MSH3: variants seen among roughly 807,000 people sequenced by gnomAD.
MSH3 encodes the protein mutS homolog 3.
In MSH3, 106 loss-of-function variants were observed where a neutral mutation model predicts 123.3. The observed-to-expected ratio is 0.86, with a 90% CI of 0.73 to 1.01. The LOEUF (loss-of-function observed/expected upper bound fraction) is 1.01. MSH3 is among the 50% of genes least tolerant of loss of function. MSH3 has a pLI of 0.00. For synonymous variants in MSH3, 515 were observed against 481.4 expected, an observed-to-expected ratio of 1.07 and a Z score of -0.91; for missense variants, 1,459 against 1,347.6, an observed-to-expected ratio of 1.08 and a Z score of -1.29.
chr5:80,670,001 A>C, intron 3 of MSH3, 96 bp from the exon 4 acceptor site: 1 of 1,099,498 alleles, frequency 9.1e-7, no homozygotes, highest in East Asian at 2.6e-5. Context: ...TAGATTCACT[A>C]AGTGTTAGCT....
At chr5:80,802,673 G>T (rs985515664) in intron 19 of MSH3, among the ~76,000 whole-genome samples, 1 of 151,824 alleles carries the variant, frequency 6.6e-6, no homozygotes, top group Non-Finnish European at 1.5e-5. Context: ...CTTATTCATT[G>T]TATGTAACTA....
intron 20 of MSH3, among the ~76,000 whole-genome samples, chr5:80,849,974 C>A (rs553151286): frequency 2.0e-5 from 3 of 152,276 alleles, no homozygotes; most frequent in Non-Finnish European, 4.4e-5. Flanking sequence ...GTGCCTTTAA[C>A]AGCACCCAAG....
At chr5:80,794,960 A>G (rs1382422221) in intron 19 of MSH3, among the ~76,000 whole-genome samples, 1 of 152,184 alleles carries the variant, frequency 6.6e-6, no homozygotes. Flanking sequence ...GGGAATAACA[A>G]ACAGCCAGCC....
At chr5:80,701,249 A>C (rs1001184683) in intron 8 of MSH3, among the ~76,000 whole-genome samples, 3 of 152,186 alleles carry the variant, frequency 2.0e-5, no homozygotes, top group Non-Finnish European at 4.4e-5. Flanking sequence ...CAGGAGATGA[A>C]GGGAAAGATT....
intron 20 of MSH3, among the ~76,000 whole-genome samples, chr5:80,834,258 G>A (rs1745470557): frequency 6.6e-6 from 1 of 152,022 alleles, no homozygotes; most frequent in African/African-American, 2.4e-5. Context: ...AGAATAACAG[G>A]CCTAATAGTC....
intron 20 of MSH3, among the ~76,000 whole-genome samples, chr5:80,832,531 A>C (rs1399343106): frequency 6.6e-6 from 1 of 152,084 alleles, no homozygotes; most frequent in Non-Finnish European, 1.5e-5. Context: ...TGGCAGGAGA[A>C]TCTCTTGAAC....
intron 15 of MSH3, among the ~76,000 whole-genome samples, chr5:80,773,704 A>G (rs576832756): frequency 3.3e-5 from 5 of 152,194 alleles, no homozygotes; most frequent in Admixed American, 1.3e-4. Flanking sequence ...TCTGGGTTCC[A>G]TTCTGCTCAA....
At chr5:80,717,062 G>A (rs984666633) in intron 8 of MSH3, among the ~76,000 whole-genome samples, 13 of 152,150 alleles carry the variant, frequency 8.5e-5, no homozygotes, top group Admixed American at 2.6e-4. Context: ...GGGCTGAATA[G>A]TATTCCATTG....
chr5:80,850,929 T>G (rs988671403), intron 20 of MSH3, among the ~76,000 whole-genome samples: 10 of 152,226 alleles, frequency 6.6e-5, no homozygotes, highest in Non-Finnish European at 1.3e-4. Flanking sequence ...AGGATGAATT[T>G]CCAGTAGCTC....
intron 15 of MSH3, among the ~76,000 whole-genome samples, chr5:80,773,756 G>A (rs926355111): frequency 1.2e-4 from 18 of 152,000 alleles, no homozygotes; most frequent in African/African-American, 4.3e-4. Flanking sequence ...CATTGAATTA[G>A]TTCTTTTGTT....
Position 80,876,071 on chromosome 5 carries a change from A to G in MSH3, c.*209A>G. 1.8e-6 allele frequency: 1 copy of G among 548,494 alleles called. No homozygotes were observed. Among genetic ancestry groups the G allele is most frequent in the East Asian group, 3.0e-5 (1 of 33,266 alleles). The allele number at this position is 548,494 out of a possible 1,614,324, so 34.0% of individuals were successfully genotyped here. A position where few individuals can be genotyped will look rare whatever the true frequency, so the allele number is the denominator to read the frequency against. On this transcript the variant is annotated 3_prime_UTR_variant, in exon 24 of 24. Coordinates refer to ENST00000265081, the MANE Select transcript of MSH3 (RefSeq NM_002439.5). ...CTTTTCTACGTATAAACACTCTTGA[A>G]TAGACTTCCACTTTGTAATTAGAAA...
At chr5:80,720,456 A>G (rs1751055970) in intron 8 of MSH3, among the ~76,000 whole-genome samples, 1 of 151,622 alleles carries the variant, frequency 6.6e-6, no homozygotes, top group Non-Finnish European at 1.5e-5. Context: ...TTTGACTTTG[A>G]AAAAAATTTC....
chr5:80,762,863 T>A (rs1391126691), intron 13 of MSH3, among the ~76,000 whole-genome samples: 24 of 96,328 alleles, frequency 2.5e-4, no homozygotes, highest in Admixed American at 1.9e-3. Context: ...ATTTTATTTT[T>A]GAGACAGACT....
rs753936762 is a variant in MSH3 at position 80,767,914 on chromosome 5, A to T, written c.1897-19A>T. On this transcript the variant is annotated intron_variant, in intron 13 of 23. Coordinates refer to ENST00000265081, the MANE Select transcript of MSH3 (RefSeq NM_002439.5). ...TCATGTATCTTATGCTATTTCATAA[A>T]AAATATTTCTATTTTCAGTGTTCTA... 1 of 1,567,420 alleles carries T rather than the reference A, an allele frequency of 6.4e-7. No individual in the cohort carries two copies. The highest frequency in any genetic ancestry group is 1.1e-5 in the South Asian group (1 of 89,980).
intron 8 of MSH3, among the ~76,000 whole-genome samples, chr5:80,717,296 T>G (rs1750982659): frequency 6.6e-6 from 1 of 152,182 alleles, no homozygotes; most frequent in South Asian, 2.1e-4. Context: ...GAGGGTGTCT[T>G]GCCCTGTCAC....
At chr5:80,769,451 GAGT>G (rs1744179270) in intron 15 of MSH3, among the ~76,000 whole-genome samples, 1 of 151,958 alleles carries the variant, frequency 6.6e-6, no homozygotes, top group Non-Finnish European at 1.5e-5. Flanking sequence ...AACAAGTCTA[GAGT>G]GAAAAACTAC....
intron 20 of MSH3, among the ~76,000 whole-genome samples, chr5:80,853,383 T>C (rs930171450): frequency 7.3e-5 from 11 of 151,548 alleles, no homozygotes; most frequent in African/African-American, 2.7e-4. Flanking sequence ...GCTGAGGCTA[T>C]AGAATCACTT....
Position 80,654,886 on chromosome 5 carries a change from G to A in MSH3, c.159G>A (p.Ala53=), listed in dbSNP as rs1749201566. 1.2e-6 allele frequency: 1 copy of A among 854,480 alleles called. No individual in the cohort carries two copies. Among genetic ancestry groups the A allele is most frequent in the Non-Finnish European group, 1.6e-6 (1 of 616,094 alleles). The allele number at this position is 854,480 out of a possible 1,614,324, so 52.9% of individuals were successfully genotyped here. The part of the protein sequence containing the change: ...AADQVDPGAA[A]AAAAAAAAAP... Reference sequence around the variant, plus strand: ...ACCAGGTGGACCCTGGCGCTGCAGCGGCTGCAGCGGCCGCAGCGGCCGCAG... The same window carrying A: ...ACCAGGTGGACCCTGGCGCTGCAGCAGCTGCAGCGGCCGCAGCGGCCGCAG... Residue 53 remains alanine (A), a synonymous_variant, in exon 1 of 24, where the codon GCG becomes GCA. Coordinates refer to ENST00000265081, the MANE Select transcript of MSH3 (RefSeq NM_002439.5).
At chr5:80,676,608 A>T (rs1415665025) in intron 7 of MSH3, among the ~76,000 whole-genome samples, 1 of 152,082 alleles carries the variant, frequency 6.6e-6, no homozygotes, top group Non-Finnish European at 1.5e-5. Context: ...TGACTGCATA[A>T]CTCTGTGTTA....
Sources: allele counts gnomAD v4.1 joint callset (sites outside exome capture counted in the v4.1 genomes callset), GRCh38; gene constraint gnomAD v4.1.1; transcripts MANE v1.5; gene names NCBI Gene and HGNC (gene_info 2026-07-23, HGNC 2026-07-21).